The following CPEB2 variants were observed in gnomAD, a reference collection of about 807,000 sequenced individuals.
The protein encoded by CPEB2 is cytoplasmic polyadenylation element binding protein 2, also known as cytoplasmic polyadenylation element-binding protein 2.
Under a neutral mutation model 93.6 loss-of-function variants are expected in CPEB2, and 56 were observed. The ratio of observed to expected loss-of-function variants is 0.60; its 90% confidence interval spans 0.48 to 0.75. The LOEUF (loss-of-function observed/expected upper bound fraction) is 0.75, where lower values mean the gene tolerates loss of function less well. Among genes scored for constraint, CPEB2 ranks in the 30% least tolerant of loss-of-function variants. CPEB2 has a pLI of 0.00. For missense variants in CPEB2, 1,579 were observed against 1,395.1 expected, an observed-to-expected ratio of 1.13 and a Z score of -2.10; for synonymous variants, 764 against 586.3, an observed-to-expected ratio of 1.30 and a Z score of -4.38.
At chr4:15,012,708 T>A in intron 3 of CPEB2, among the ~76,000 whole-genome samples, 1 of 152,242 alleles carries the variant, frequency 6.6e-6, no homozygotes, top group South Asian at 2.1e-4. Context: ...TGCTTTATTT[T>A]AAAGTAAAAA....
At position 15,002,560 on chromosome 4, in the gene CPEB2, C is replaced by G. The variant is rs1046538315; in HGVS notation, c.-114C>G. On this transcript the variant is annotated 5_prime_UTR_variant, in exon 1 of 12. Transcript: ENST00000538197. ...GCCCCCTGGCTCAGTCACGGTGTCC[C>G]TCTCTCACTGACTCCCCCTCCTTCC... The G allele has an allele frequency of 5.9e-6, 5 of 845,624 alleles. No individual in the cohort carries two copies. In the Admixed American group the frequency reaches 1.7e-4, roughly 28 times the overall value. 52.4% of individuals were successfully genotyped at this position (845,624 alleles called of 1,614,324 possible).
intron 3 of CPEB2, among the ~76,000 whole-genome samples, chr4:15,011,638 CA>C (rs1454345687): frequency 6.6e-6 from 1 of 151,718 alleles, no homozygotes; most frequent in Non-Finnish European, 1.5e-5. Flanking sequence ...CCCCTCTTCC[CA>C]AAAAAATAGG....
intron 10 of CPEB2, 37 bp downstream of exon 10, chr4:15,059,338 A>T: frequency 7.8e-7 from 1 of 1,288,162 alleles, no homozygotes; most frequent in Non-Finnish European, 1.1e-6. Context: ...TAAAAAAATC[A>T]TTTAAATATG....
At chr4:15,028,713 G>A (rs1293936380) in intron 4 of CPEB2, among the ~76,000 whole-genome samples, 13 of 151,578 alleles carry the variant, frequency 8.6e-5, no homozygotes, top group Admixed American at 3.3e-4. Flanking sequence ...AGCTTTGGTC[G>A]TATCTGGGCA....
intron 1 of CPEB2, 124 bp downstream of exon 1, chr4:15,004,459 C>A (rs2108939716): frequency 1.5e-6 from 1 of 655,342 alleles, no homozygotes; most frequent in Non-Finnish European, 2.3e-6. Flanking sequence ...GGGGGCCACT[C>A]GCCCAAGTGA....
chr4:15,020,695 T>C (rs918879767), intron 4 of CPEB2, among the ~76,000 whole-genome samples: 18 of 152,174 alleles, frequency 1.2e-4, no homozygotes, highest in African/African-American at 3.6e-4. Context: ...ATGCAGAATG[T>C]ACTTTACTCA....
At chr4:15,050,187 C>T (rs373402305) in intron 6 of CPEB2, among the ~76,000 whole-genome samples, 12 of 152,302 alleles carry the variant, frequency 7.9e-5, no homozygotes, top group African/African-American at 2.2e-4. Flanking sequence ...GCCTGAGCTC[C>T]ACCTCCTGTC....
At chr4:15,043,066 A>G (rs1450704320) in intron 6 of CPEB2, among the ~76,000 whole-genome samples, 1 of 152,202 alleles carries the variant, frequency 6.6e-6, no homozygotes, top group Non-Finnish European at 1.5e-5. Flanking sequence ...TTCACAGGAC[A>G]TTCTGACTTT....
chr4:15,053,728 T>C (rs956678480), intron 7 of CPEB2, among the ~76,000 whole-genome samples: 6 of 152,200 alleles, frequency 3.9e-5, no homozygotes, highest in African/African-American at 1.4e-4. Flanking sequence ...AGTCTTGTTT[T>C]AGCAGACCTT....
intron 6 of CPEB2, among the ~76,000 whole-genome samples, chr4:15,041,124 GACT>G (rs1223100547): frequency 6.6e-6 from 1 of 151,984 alleles, no homozygotes; most frequent in Non-Finnish European, 1.5e-5. Flanking sequence ...AAGGAAAGAG[GACT>G]ATGTGATGCA....
intron 6 of CPEB2, among the ~76,000 whole-genome samples, chr4:15,051,233 A>AGTT (rs1253650534): frequency 2.0e-5 from 3 of 152,138 alleles, no homozygotes; most frequent in African/African-American, 7.2e-5. Context: ...GCATAGAAAA[A>AGTT]GTTATAATCT....
chr4:15,032,100 T>C (rs1726176374), intron 4 of CPEB2, among the ~76,000 whole-genome samples: 1 of 152,204 alleles, frequency 6.6e-6, no homozygotes, highest in Non-Finnish European at 1.5e-5. Context: ...TAAAAAAATT[T>C]TTTTTCATTT....
intron 3 of CPEB2, 148 bp downstream of exon 3, chr4:15,008,575 G>T: frequency 2.2e-6 from 1 of 448,610 alleles, no homozygotes; most frequent in South Asian, 6.6e-5. Context: ...AGGATCACCT[G>T]CTTTGAACTA....
At chr4:15,057,924 G>T (rs546163336) in intron 8 of CPEB2, among the ~76,000 whole-genome samples, 84 of 152,240 alleles carry the variant, frequency 5.5e-4, no homozygotes, top group African/African-American at 2.0e-3. Context: ...CAGTCTAAAA[G>T]TCTAGAACTT....
intron 5 of CPEB2, among the ~76,000 whole-genome samples, chr4:15,036,466 T>A (rs1332548970): frequency 6.6e-6 from 1 of 152,134 alleles, no homozygotes; most frequent in Non-Finnish European, 1.5e-5. Flanking sequence ...GAAATTAGAA[T>A]GAAAGTATGT....
intron 7 of CPEB2, among the ~76,000 whole-genome samples, chr4:15,053,612 G>GAAATAACGTAAGACATAGCA: frequency 6.6e-6 from 1 of 152,272 alleles, no homozygotes; most frequent in South Asian, 2.1e-4. Context: ...TCTATGTAAT[G>GAAATAACGTAAGACATAGCA]AAATAACGTA....
At chr4:15,063,437 G>T (rs1193257676) in intron 11 of CPEB2, among the ~76,000 whole-genome samples, 2 of 151,138 alleles carry the variant, frequency 1.3e-5, no homozygotes, top group African/African-American at 4.9e-5. Flanking sequence ...TTCTGAACTT[G>T]TCTGAACATT....
At chr4:15,018,523 T>C (rs1325983309) in intron 4 of CPEB2, among the ~76,000 whole-genome samples, 1 of 151,374 alleles carries the variant, frequency 6.6e-6, no homozygotes, top group Admixed American at 6.6e-5. Context: ...TCAGCTTAGT[T>C]TTTTGAGTAT....
intron 6 of CPEB2, among the ~76,000 whole-genome samples, chr4:15,045,255 C>G (rs959845776): frequency 2.6e-5 from 4 of 152,132 alleles, no homozygotes; most frequent in African/African-American, 9.7e-5. Context: ...TTAATCTTCT[C>G]TGCTTCTAAA....
Sources: gnomAD v4.1 joint callset for allele counts (sites outside exome capture counted in the v4.1 genomes callset) on GRCh38, gnomAD v4.1.1 for gene constraint, MANE v1.5 for transcripts, NCBI Gene and HGNC (gene_info 2026-07-23, HGNC 2026-07-21) for gene names.